Variants in KANK1 observed in about 807,000 individuals in gnomAD.
The protein encoded by KANK1 is KN motif and ankyrin repeat domains 1.
In KANK1, 109 loss-of-function variants were observed where a neutral mutation model predicts 106.2. That is an observed-to-expected ratio of 1.03 (90% confidence interval 0.88 to 1.20). The LOEUF (loss-of-function observed/expected upper bound fraction) is 1.20. Among genes scored for constraint, KANK1 ranks in the 50% most tolerant of loss-of-function variants. KANK1 has a pLI of 0.00. For synonymous variants in KANK1, 873 were observed against 652.2 expected, an observed-to-expected ratio of 1.34 and a Z score of -5.16; for missense variants, 2,399 against 1,710.7, an observed-to-expected ratio of 1.40 and a Z score of -7.10.
intron 1 of KANK1, among the ~76,000 whole-genome samples, chr9:531,695 A>AG (rs1316871207): frequency 1.3e-5 from 2 of 152,214 alleles, no homozygotes; most frequent in Admixed American, 1.3e-4. Context: ...CTGTGAAAAA[A>AG]GTCTTTATTT....
chr9:529,803 G>C (rs2059977230), intron 1 of KANK1, among the ~76,000 whole-genome samples: 1 of 152,160 alleles, frequency 6.6e-6, no homozygotes, highest in African/African-American at 2.4e-5. Context: ...TGATGAATAT[G>C]GAATTACCAG....
rs1469717374 is a variant in KANK1 at position 523,780 on chromosome 9, C to T, written c.-84+19026C>T. Among the ~76,000 whole-genome samples, 4 of 151,160 alleles carry T rather than the reference C, an allele frequency of 2.6e-5. No homozygotes were observed. The South Asian group carries it at 8.3e-4, about 31-fold the overall frequency. ...ATTCAGAGTTATAACCTGTCTTCTC[C>T]TGGCACTCCAGGTCTCTCTTAATCC... On this transcript the variant is annotated intron_variant, in intron 1 of 11. Transcript: ENST00000382297.
At chr9:659,685 TGG>T (rs1005678128) in intron 1 of KANK1, among the ~76,000 whole-genome samples, 7 of 151,576 alleles carry the variant, frequency 4.6e-5, no homozygotes, top group African/African-American at 1.7e-4. Context: ...TCCTATGTGG[TGG>T]GAGCAGGAGA....
intron 2 of KANK1, among the ~76,000 whole-genome samples, chr9:697,715 C>G (rs557710717): frequency 6.6e-5 from 10 of 152,236 alleles, no homozygotes; most frequent in Admixed American, 2.0e-4. Context: ...GATACCTATT[C>G]TCTGGATTGT....
At chr9:631,653 T>A (rs1835770748) in intron 1 of KANK1, among the ~76,000 whole-genome samples, 1 of 152,232 alleles carries the variant, frequency 6.6e-6, no homozygotes, top group African/African-American at 2.4e-5. Context: ...CAGGTGTCTT[T>A]CAGTGACTCC....
At chr9:697,240 G>T (rs1309592996) in intron 2 of KANK1, among the ~76,000 whole-genome samples, 2 of 152,132 alleles carry the variant, frequency 1.3e-5, no homozygotes, top group East Asian at 3.8e-4. Context: ...GTTTCAGGCA[G>T]GGTCCAGGCC....
chr9:625,703 A>G (rs1834175872), intron 1 of KANK1, among the ~76,000 whole-genome samples: 1 of 152,172 alleles, frequency 6.6e-6, no homozygotes, highest in Non-Finnish European at 1.5e-5. Flanking sequence ...AGACTTAATC[A>G]AACAAGTATT....
At chr9:652,364 T>TA (rs1458806088) in intron 1 of KANK1, among the ~76,000 whole-genome samples, 11 of 151,916 alleles carry the variant, frequency 7.2e-5, no homozygotes, top group African/African-American at 2.7e-4. Context: ...CTACTAAAAA[T>TA]ACAAAAAAAT....
chr9:537,525 C>T (rs1201868106), intron 1 of KANK1, among the ~76,000 whole-genome samples: 1 of 152,046 alleles, frequency 6.6e-6, no homozygotes, highest in Non-Finnish European at 1.5e-5. Context: ...CTCTTTTTTT[C>T]TCTTGAGATT....
At chr9:703,964 T>C (rs577593875) in intron 2 of KANK1, among the ~76,000 whole-genome samples, 1 of 150,802 alleles carries the variant, frequency 6.6e-6, no homozygotes, top group Non-Finnish European at 1.5e-5. Context: ...TCTGCCCACC[T>C]CGGCCTCCCA....
chr9:701,218 A>G (rs189032370), intron 2 of KANK1, among the ~76,000 whole-genome samples: 57 of 152,130 alleles, frequency 3.7e-4, no homozygotes, highest in Admixed American at 1.2e-3. Flanking sequence ...GGTTCAAGCA[A>G]TTTTCCTGCC....
At chr9:603,747 G>C (rs1828359672) in intron 1 of KANK1, among the ~76,000 whole-genome samples, 1 of 151,430 alleles carries the variant, frequency 6.6e-6, no homozygotes, top group South Asian at 2.1e-4. Flanking sequence ...CCTGAGGTCT[G>C]GAGTCCGAGA....
intron 1 of KANK1, among the ~76,000 whole-genome samples, chr9:552,051 C>G (rs1472413777): frequency 6.6e-6 from 1 of 151,592 alleles, no homozygotes; most frequent in East Asian, 1.9e-4. Context: ...GACCCTGTCT[C>G]AAAAAAACAA....
rs536985619 is a variant in KANK1 at position 712,548 on chromosome 9, T to C, written c.1782T>C (p.Ser594=). Residue 594 remains serine, a synonymous_variant, in exon 3 of 12, where the codon AGT becomes AGC. Transcript: ENST00000382297. ...TGGAAATGTGTGACAAGAGTGTGAGTGTGGAAGTCAGCGTCTGCGAAACAG... is the reference window on the plus strand; with the variant it reads ...TGGAAATGTGTGACAAGAGTGTGAGCGTGGAAGTCAGCGTCTGCGAAACAG... ...RSVEMCDKSV[S]VEVSVCETGS... 18 of 1,613,756 alleles carry C rather than the reference T, an allele frequency of 1.1e-5. No individual in the cohort carries two copies. The East Asian group carries it at 2.5e-4, about 22-fold the overall frequency.
intron 2 of KANK1, chr9:707,168 C>T (rs1824508771): frequency 2.0e-6 from 2 of 985,716 alleles, no homozygotes; most frequent in East Asian, 2.3e-4. Flanking sequence ...ATCGAGGGCG[C>T]CCGAGGCCGG....
intron 3 of KANK1, among the ~76,000 whole-genome samples, chr9:720,682 G>C (rs1273595646): frequency 1.3e-5 from 2 of 152,094 alleles, no homozygotes; most frequent in Admixed American, 1.3e-4. Flanking sequence ...TCAGAGACGG[G>C]GTTTCATTCT....
At chr9:504,383 G>A (rs2058629926), upstream of KANK1, among the ~76,000 whole-genome samples, 1 of 151,900 alleles carries the variant, frequency 6.6e-6, no homozygotes, top group Middle Eastern at 3.4e-3. Context: ...AAGGTGCCCC[G>A]CGGGCCTGGT....
intron 2 of KANK1, among the ~76,000 whole-genome samples, chr9:696,099 A>G (rs1014093382): frequency 1.3e-5 from 2 of 152,128 alleles, no homozygotes; most frequent in Non-Finnish European, 2.9e-5. Flanking sequence ...CCTGGCTAAC[A>G]TGGTGAAACG....
At chr9:486,701 C>G (rs965092941) in intron 3 of KANK1, among the ~76,000 whole-genome samples, 1 of 152,152 alleles carries the variant, frequency 6.6e-6, no homozygotes, top group African/African-American at 2.4e-5. Flanking sequence ...GCTAGAGATA[C>G]TACCTTTTTC....
Sources: gnomAD v4.1 joint callset for allele counts (sites outside exome capture counted in the v4.1 genomes callset) on GRCh38, gnomAD v4.1.1 for gene constraint, MANE v1.5 for transcripts, NCBI Gene and HGNC (gene_info 2026-07-23, HGNC 2026-07-21) for gene names.